ARHGAP15: variants seen among roughly 807,000 people sequenced by gnomAD.
ARHGAP15 encodes the protein Rho GTPase activating protein 15.
ARHGAP15 carries 51 observed loss-of-function variants against 63.7 expected under a neutral mutation model. The observed-to-expected ratio is 0.80, with a 90% confidence interval of 0.64 to 1.01. The LOEUF (loss-of-function observed/expected upper bound fraction) is 1.01, where lower values mean the gene tolerates loss of function less well. ARHGAP15 is among the 50% of genes least tolerant of loss of function. The pLI is 0.00. For synonymous variants in ARHGAP15, 191 were observed against 193.8 expected, an observed-to-expected ratio of 0.99 and a Z score of 0.12; for missense variants, 560 against 564.6, an observed-to-expected ratio of 0.99 and a Z score of 0.08.
intron 11 of ARHGAP15, among the ~76,000 whole-genome samples, chr2:143,586,678 T>A (rs576919481): frequency 3.9e-5 from 3 of 77,790 alleles, no homozygotes; most frequent in South Asian, 9.2e-4. Flanking sequence ...TATGTAAATA[T>A]TTTTTTTTTA....
At chr2:143,157,973 G>C (rs1396739968) in intron 2 of ARHGAP15, among the ~76,000 whole-genome samples, 9 of 151,720 alleles carry the variant, frequency 5.9e-5, no homozygotes, top group African/African-American at 2.2e-4. Context: ...CATGTAGTCT[G>C]TACAGAAAAA....
At chr2:143,354,055 T>C (rs940981820) in intron 6 of ARHGAP15, among the ~76,000 whole-genome samples, 27 of 151,630 alleles carry the variant, frequency 1.8e-4, no homozygotes, top group Non-Finnish European at 4.4e-5. Flanking sequence ...AAAACAGAGA[T>C]GGCCCTCTGA....
At chr2:143,691,632 C>T (rs142442529) in intron 12 of ARHGAP15, among the ~76,000 whole-genome samples, 18 of 152,284 alleles carry the variant, frequency 1.2e-4, no homozygotes, top group African/African-American at 4.1e-4. Context: ...TCCACTCCCC[C>T]CAACACATTA....
At chr2:143,178,643 A>G (rs1691102547) in intron 2 of ARHGAP15, among the ~76,000 whole-genome samples, 1 of 152,202 alleles carries the variant, frequency 6.6e-6, no homozygotes, top group Non-Finnish European at 1.5e-5. Flanking sequence ...TATTTTTTGT[A>G]GAGATGTGTC....
intron 6 of ARHGAP15, among the ~76,000 whole-genome samples, chr2:143,352,845 C>T (rs529439025): frequency 9.3e-4 from 141 of 152,264 alleles, no homozygotes; most frequent in African/African-American, 3.3e-3. Flanking sequence ...CTTCCACATC[C>T]TTTGCGAATT....
intron 6 of ARHGAP15, among the ~76,000 whole-genome samples, chr2:143,303,889 C>A (rs1683039376): frequency 6.6e-6 from 1 of 152,104 alleles, no homozygotes; most frequent in African/African-American, 2.4e-5. Flanking sequence ...AAATGCAAAT[C>A]AACACCATAA....
intron 6 of ARHGAP15, among the ~76,000 whole-genome samples, chr2:143,311,368 A>T (rs1402033779): frequency 6.6e-6 from 1 of 151,704 alleles, no homozygotes; most frequent in Non-Finnish European, 1.5e-5. Flanking sequence ...AGTTCATGAT[A>T]TAAATAATTT....
chr2:143,676,346 C>G (rs1321697100), intron 12 of ARHGAP15: 1 of 152,204 alleles, frequency 6.6e-6, no homozygotes, highest in Non-Finnish European at 1.5e-5. Flanking sequence ...CCTTCAAGAA[C>G]TTTTCTCCTT....
At chr2:143,147,365 C>T (rs529301013) in intron 1 of ARHGAP15, among the ~76,000 whole-genome samples, 6 of 152,028 alleles carry the variant, frequency 3.9e-5, no homozygotes, top group South Asian at 2.1e-4. Flanking sequence ...ACGCAAGAGG[C>T]GGAAAATCGC....
At chr2:143,312,947 T>G (rs1329306541) in intron 6 of ARHGAP15, among the ~76,000 whole-genome samples, 1 of 152,196 alleles carries the variant, frequency 6.6e-6, no homozygotes, top group African/African-American at 2.4e-5. Context: ...GACTGCCCTC[T>G]TAGTGTTTGA....
chr2:143,473,905 T>A lies in ARHGAP15; in HGVS notation c.704-13468T>A, dbSNP rs144970634. ...GAGGCCTTTAAAACCCAAAGACTTT[T>A]CTTTTCCAAGACCAGAAGTTCCATT... On this transcript the variant is annotated intron_variant, in intron 8 of 13. Transcript: ENST00000295095. Among the ~76,000 whole-genome samples, 89 of 152,292 alleles carry A rather than the reference T, an allele frequency of 5.8e-4. 1 individual carries two copies. In the East Asian group the frequency reaches 7.1e-3, roughly 12 times the overall value.
chr2:143,475,031 A>G (rs2105198668), intron 8 of ARHGAP15, among the ~76,000 whole-genome samples: 1 of 152,346 alleles, frequency 6.6e-6, no homozygotes, highest in African/African-American at 2.4e-5. Flanking sequence ...ATCACCATAC[A>G]GCACCCAGAG....
intron 13 of ARHGAP15, among the ~76,000 whole-genome samples, chr2:143,763,744 A>G (rs528167781): frequency 1.4e-5 from 2 of 146,596 alleles, no homozygotes; most frequent in Non-Finnish European, 3.0e-5. Flanking sequence ...ATATGTATGT[A>G]TATGTATATG....
chr2:143,598,443 CTA>C (rs1290202241), intron 11 of ARHGAP15, among the ~76,000 whole-genome samples: 1 of 152,144 alleles, frequency 6.6e-6, no homozygotes, highest in Non-Finnish European at 1.5e-5. Flanking sequence ...GGCCATCATG[CTA>C]TGTTACACAG....
At chr2:143,753,720 C>CA (rs1686469299) in intron 13 of ARHGAP15, among the ~76,000 whole-genome samples, 2 of 151,974 alleles carry the variant, frequency 1.3e-5, no homozygotes, top group South Asian at 2.1e-4. Flanking sequence ...TTTAGATGGC[C>CA]AAAAAAATGG....
intron 10 of ARHGAP15, among the ~76,000 whole-genome samples, chr2:143,541,116 T>C (rs1176258214): frequency 6.6e-6 from 1 of 152,190 alleles, no homozygotes; most frequent in Non-Finnish European, 1.5e-5. Context: ...TCATGCTTCA[T>C]TTCATTTATT....
At chr2:143,691,039 CG>C (rs1553523172) in intron 12 of ARHGAP15, among the ~76,000 whole-genome samples, 1 of 152,050 alleles carries the variant, frequency 6.6e-6, no homozygotes, top group Non-Finnish European at 1.5e-5. Context: ...GGACAGCGGA[CG>C]GACGTACTCT....
chr2:143,580,949 C>T (rs1696877555), intron 11 of ARHGAP15, among the ~76,000 whole-genome samples: 1 of 152,128 alleles, frequency 6.6e-6, no homozygotes, highest in Non-Finnish European at 1.5e-5. Context: ...TGAGCACTTC[C>T]TATGGGCTAG....
At chr2:143,411,535 A>G (rs1209501351) in intron 6 of ARHGAP15, among the ~76,000 whole-genome samples, 1 of 152,190 alleles carries the variant, frequency 6.6e-6, no homozygotes, top group Non-Finnish European at 1.5e-5. Context: ...TTATTATTCT[A>G]TAGCTTTATT....
Sources: gnomAD v4.1 joint callset for allele counts (sites outside exome capture counted in the v4.1 genomes callset) on GRCh38, gnomAD v4.1.1 for gene constraint, MANE v1.5 for transcripts, NCBI Gene and HGNC (gene_info 2026-07-23, HGNC 2026-07-21) for gene names.